The following RHBDF1 variants were observed in gnomAD, a reference collection of about 807,000 sequenced individuals.
RHBDF1 encodes rhomboid 5 homolog 1.
Under a neutral mutation model 98.6 loss-of-function variants are expected in RHBDF1, and 80 were observed. The observed-to-expected ratio is 0.81, with a 90% CI of 0.68 to 0.98. The LOEUF is 0.98. Ranked by LOEUF, RHBDF1 falls within the 50% of genes least tolerant of loss-of-function variation. The pLI, the probability that RHBDF1 is intolerant of heterozygous loss-of-function variation, is 0.00. For synonymous variants in RHBDF1, 512 were observed against 486.8 expected (o/e 1.05, Z -0.68); for missense variants, 1,116 against 1,198.3 (o/e 0.93, Z 1.01).
In RHBDF1 at chr16:63,950, T is replaced by C. The variant is rs542829702; in HGVS notation, c.249-150A>G. ...GAGTGGGCAAGGTCTAATAAGAGGA[T>C]GAGTGGGTTCCAGCCACCCCCTGAA... On this transcript the variant is annotated intron_variant, in intron 3 of 17. Coordinates refer to ENST00000262316, the MANE Select transcript of RHBDF1 (RefSeq NM_022450.5). 1.8e-5 allele frequency: 14 copies of C among 778,634 alleles called. No homozygotes were observed. In the African/African-American group the frequency reaches 1.9e-4, roughly 10 times the overall value. The allele number at this position is 778,634 out of a possible 1,614,324, so 48.2% of individuals were successfully genotyped here. A position where few individuals can be genotyped will look rare whatever the true frequency, so the allele number is the denominator to read the frequency against.
chr16:65,167 G>T, intron 1 of RHBDF1, 128 bp from the exon 2 acceptor site: 1 of 993,394 alleles, frequency 1.0e-6, no homozygotes, highest in Non-Finnish European at 1.4e-6. Flanking sequence ...CACTGTCAGA[G>T]CACTACTGTG....
At position 64,075 on chromosome 16, in the gene RHBDF1, G is replaced by T. The variant is rs1395101038; in HGVS notation, c.249-275C>A. ...CCCACCATCCCTGAGGGGCAGTTGA[G>T]GGGAGGCACTGAGTCCAGAGAAGGA... On this transcript the variant is annotated intron_variant, in intron 3 of 17. Transcript: ENST00000262316. The T allele has an allele frequency of 1.1e-5, 7 of 638,666 alleles. No homozygotes were observed. The East Asian group carries it at 1.8e-4, about 17-fold the overall frequency. 39.6% of individuals were successfully genotyped at this position (638,666 alleles called of 1,614,324 possible). A position where few individuals can be genotyped will look rare whatever the true frequency, so the allele number is the denominator to read the frequency against.
At chr16:71,198 G>C (rs565724180) in intron 1 of RHBDF1, among the ~76,000 whole-genome samples, 1 of 152,190 alleles carries the variant, frequency 6.6e-6, no homozygotes, top group Non-Finnish European at 1.5e-5. Flanking sequence ...TGCTGGTTGA[G>C]GGGCCTGCTT....
upstream of RHBDF1, among the ~76,000 whole-genome samples, chr16:73,222 A>G (rs2541636): frequency 0.18 from 28,117 of 151,990 alleles, 6,792 homozygotes; most frequent in African/African-American, 0.56. Context: ...GGGTACATAC[A>G]CGTGCACACA....
rs78541046 is a variant in RHBDF1 at position 63,029 on chromosome 16, G to A, written c.616C>T (p.Arg206Cys). Residue 206 changes from arginine to cysteine, a missense_variant, in exon 5 of 18, where the codon CGC (arginine) becomes TGC (cysteine). Coordinates refer to ENST00000262316, the MANE Select transcript of RHBDF1 (RefSeq NM_022450.5). Reference protein sequence around the residue: ...RSGFHRLPRRRKRESVAKMSF... With the variant: ...RSGFHRLPRRCKRESVAKMSF... ...ATCTTGGCCACCGACTCTCGCTTGC[G>A]CCGCCGCGGGAGCCGGTGGAAACCT... 873 of 1,612,244 alleles carry A rather than the reference G, an allele frequency of 5.4e-4. 6 individuals carry two copies. The African/African-American group carries it at 0.011, about 20-fold the overall frequency.
rs374517461 is a variant in RHBDF1, at chr16:64,688, G to C, written c.248+11C>G. On this transcript the variant is annotated intron_variant, in intron 3 of 17. Coordinates refer to ENST00000262316, the MANE Select transcript of RHBDF1 (RefSeq NM_022450.5). ...CTCCCACCCCATGGAGCAGCTGGGC[G>C]GTGTTGGTACCTGCGGATGGTCTGT... 10 of 1,602,148 alleles carry C rather than the reference G, an allele frequency of 6.2e-6. No individual in the cohort carries two copies. In the African/African-American group the frequency reaches 1.3e-4, roughly 21 times the overall value.
intron 13 of RHBDF1, 131 bp from the exon 14 acceptor site, chr16:59,957 C>A: frequency 6.6e-7 from 1 of 1,510,828 alleles, no homozygotes; most frequent in South Asian, 1.3e-5. Context: ...TGACTTCAAG[C>A]AGGCCACCAC....
Position 60,424 on chromosome 16 carries a change from G to A in RHBDF1, c.1658+15C>T, listed in dbSNP as rs765492904. 7 of 1,609,602 alleles carry A rather than the reference G, an allele frequency of 4.3e-6. No homozygotes were observed. The East Asian group carries it at 6.7e-5, about 15-fold the overall frequency. On this transcript the variant is annotated intron_variant, in intron 12 of 17. Coordinates refer to ENST00000262316, the MANE Select transcript of RHBDF1 (RefSeq NM_022450.5). ...GTGGACAAAGGCAGGTGAGAGAGCT[G>A]CCGGCAGGACTAACCTGGGATCCTG...
intron 3 of RHBDF1, chr16:64,373 C>T: frequency 1.4e-6 from 2 of 1,380,396 alleles, no homozygotes; most frequent in Non-Finnish European, 9.6e-7. Context: ...TGTGGGAAGG[C>T]CCTGCGGGCA....
In RHBDF1 at chr16:62,892, G is replaced by C; in HGVS notation, c.678C>G (p.Arg226=). The change falls in exon 6 of 18, where the codon CGC becomes CGG. Residue 226 remains arginine (R), a synonymous_variant. Coordinates refer to ENST00000262316, the MANE Select transcript of RHBDF1 (RefSeq NM_022450.5). ...GGCGAAAGGTGCCATCCCTAACGGA[G>C]CGGCCCTGGGGACGGGGAAGTGAGC... is the stretch of plus-strand genomic sequence containing the variant. ...FRAAAALMKG[R]SVRDGTFRRA... 1 of 1,613,756 alleles carries C rather than the reference G, an allele frequency of 6.2e-7. No homozygotes were observed. The highest frequency in any genetic ancestry group is 8.5e-7 in the Non-Finnish European group (1 of 1,179,944).
chr16:61,311 TCCGGGGCCTCCTGCCC>T, intron 10 of RHBDF1, 30 bp from the exon 11 acceptor site: 3 of 1,542,702 alleles, frequency 1.9e-6, no homozygotes, highest in Non-Finnish European at 2.6e-6. Flanking sequence ...GCGGCCGCAG[TCCGGGGCCTCCTGCCC>T]CCGCCGGGCA....
intron 14 of RHBDF1, 103 bp from the exon 15 acceptor site, chr16:59,597 A>G: frequency 6.1e-6 from 9 of 1,475,738 alleles, no homozygotes; most frequent in Non-Finnish European, 8.3e-6. Context: ...GTTGGCCCCA[A>G]GGAAGTCCAG....
In RHBDF1 at chr16:61,468, T is replaced by C. The variant is rs1227870293; in HGVS notation, c.1321-9A>G. On this transcript the variant is annotated splice_polypyrimidine_tract_variant and intron_variant, in intron 9 of 17. Coordinates refer to ENST00000262316, the MANE Select transcript of RHBDF1 (RefSeq NM_022450.5). Reference sequence around the variant, plus strand: ...CCGCGGTTCCGCAGCACCTGGGAGGTTGGGGAGCGGGATCAGACGGGCCCC... The same window carrying C: ...CCGCGGTTCCGCAGCACCTGGGAGGCTGGGGAGCGGGATCAGACGGGCCCC... The C allele has an allele frequency of 1.9e-6, 3 of 1,611,454 alleles. No individual in the cohort carries two copies. The highest frequency in any genetic ancestry group is 1.3e-5 in the African/African-American group (1 of 74,660).
At chr16:66,623 C>A (rs938787698) in intron 1 of RHBDF1, among the ~76,000 whole-genome samples, 11 of 152,192 alleles carry the variant, frequency 7.2e-5, no homozygotes, top group African/African-American at 2.7e-4. Context: ...TCTTACCCCA[C>A]CCCTCACGCT....
At chr16:70,702 A>C (rs911222435) in intron 1 of RHBDF1, among the ~76,000 whole-genome samples, 1 of 152,164 alleles carries the variant, frequency 6.6e-6, no homozygotes, top group African/African-American at 2.4e-5. Context: ...AGGGCCTATA[A>C]GGGAGCTCAA....
rs373815100 is a variant in RHBDF1, at chr16:59,759, C to T, written c.1790G>A (p.Arg597Gln). Residue 597 changes from arginine to glutamine, a missense_variant, in exon 14 of 18, where the codon CGG becomes CAG. Transcript: ENST00000262316. ...HPHMDCVITG[R>Q]PCCIGTKGRC... The stretch of plus-strand genomic sequence containing the variant: ...GCCCTTGGTGCCAATGCAGCAGGGC[C>T]GTCCTGTGATGACACAGTCCATGTG... 2.0e-5 allele frequency: 33 copies of T among 1,614,028 alleles called. No homozygotes were observed. The highest frequency in any genetic ancestry group is 6.6e-5 in the South Asian group (6 of 91,090).
intron 11 of RHBDF1, 52 bp from the exon 12 acceptor site, chr16:60,591 G>A (rs568606135): frequency 2.8e-6 from 4 of 1,406,228 alleles, no homozygotes; most frequent in East Asian, 4.6e-5. Context: ...GCAATGAGGG[G>A]CACGCAGGGA....
intron 9 of RHBDF1, 49 bp from the exon 10 acceptor site, chr16:61,508 C>T (rs1897622399): frequency 3.1e-6 from 5 of 1,611,964 alleles, no homozygotes; most frequent in Non-Finnish European, 3.4e-6. Flanking sequence ...CTGGCCCTCT[C>T]CTCCCAGAGC....
chr16:59,338 C>T lies in RHBDF1; in HGVS notation c.1905G>A (p.Met635Ile). The T allele has an allele frequency of 6.2e-7, 1 of 1,611,984 alleles. No individual in the cohort carries two copies. Among genetic ancestry groups the T allele is most frequent in the Non-Finnish European group, 8.5e-7 (1 of 1,178,838 alleles). Residue 635 changes from methionine (M) to isoleucine (I), a missense_variant, in exon 16 of 18, where the codon ATG (methionine) becomes ATA (isoleucine). Coordinates refer to ENST00000262316, the MANE Select transcript of RHBDF1 (RefSeq NM_022450.5). ...AAGGCAGGAGCCCACACACATCATC[C>T]ATGCAGTGCACCTGCGCAGAGCAGC... ...EATLCSQVHC[M>I]DDVCGLLPFL...
Sources: allele counts gnomAD v4.1 joint callset (sites outside exome capture counted in the v4.1 genomes callset), GRCh38; gene constraint gnomAD v4.1.1; transcripts MANE v1.5; gene names NCBI Gene and HGNC (gene_info 2026-07-23, HGNC 2026-07-21).